MAP4K3: variants seen among roughly 807,000 people sequenced by gnomAD.
MAP4K3 encodes the protein MAPK/ERK kinase kinase kinase 3.
In MAP4K3, 94 loss-of-function variants were observed where a neutral mutation model predicts 143.5. That is an observed-to-expected ratio of 0.65 (90% confidence interval 0.55 to 0.78). The LOEUF is 0.78. Ranked by LOEUF, MAP4K3 falls within the 30% of genes least tolerant of loss-of-function variation. MAP4K3 has a pLI of 0.00. For missense variants in MAP4K3, 1,077 were observed against 1,068.1 expected (o/e 1.01, Z -0.12); for synonymous variants, 416 against 347.2 (o/e 1.20, Z -2.20).
intron 2 of MAP4K3, among the ~76,000 whole-genome samples, chr2:39,364,344 G>GT (rs910197420): frequency 1.3e-4 from 20 of 152,338 alleles, no homozygotes; most frequent in Admixed American, 5.9e-4. Flanking sequence ...AATGGTTATA[G>GT]TTAACAATAC....
intron 13 of MAP4K3, among the ~76,000 whole-genome samples, chr2:39,311,383 C>A (rs1682931372): frequency 6.6e-6 from 1 of 152,100 alleles, no homozygotes; most frequent in Non-Finnish European, 1.5e-5. Flanking sequence ...CTGGCTGAGA[C>A]CATCTTAATT....
chr2:39,378,500 C>T (rs1162980845), intron 1 of MAP4K3, among the ~76,000 whole-genome samples: 1 of 152,172 alleles, frequency 6.6e-6, no homozygotes, highest in East Asian at 1.9e-4. Flanking sequence ...CAAGGTCATA[C>T]AGCCAGTGAG....
rs555812991 is a variant in MAP4K3, at chr2:39,315,277, T to C, written c.997+33A>G. 4 of 1,365,906 alleles carry C rather than the reference T, an allele frequency of 2.9e-6. No individual in the cohort carries two copies. The South Asian group carries it at 3.9e-5, about 13-fold the overall frequency. 84.6% of individuals were successfully genotyped at this position (1,365,906 alleles called of 1,614,324 possible). The stretch of plus-strand genomic sequence containing the variant: ...CTAAATTATAACTTATTTTCTATCA[T>C]TAAATCATAAACTGTGTATAGTATA... On this transcript the variant is annotated intron_variant, in intron 13 of 33. Transcript: ENST00000263881.
At position 39,436,766 on chromosome 2, in the gene MAP4K3, C is replaced by G. The variant is rs577274237; in HGVS notation, c.96+126G>C. The G allele has an allele frequency of 1.1e-4, 87 of 764,534 alleles. 3 individuals are homozygous for G. In the South Asian group the frequency reaches 1.1e-3, roughly 10 times the overall value. The allele number at this position is 764,534 out of a possible 1,614,324, so 47.4% of individuals were successfully genotyped here. On this transcript the variant is annotated intron_variant, in intron 1 of 33. Transcript: ENST00000263881. ...GCAGCAGAGCCCTTGGCGTCCGCAGCTCCTCCTCCCCGACTGCTCCCTGGC... is the reference window on the plus strand; with the variant it reads ...GCAGCAGAGCCCTTGGCGTCCGCAGGTCCTCCTCCCCGACTGCTCCCTGGC...
chr2:39,392,202 A>AAAAAT, intron 1 of MAP4K3, among the ~76,000 whole-genome samples: 1 of 151,504 alleles, frequency 6.6e-6, no homozygotes, highest in East Asian at 1.9e-4. Context: ...AAAAAAAAAA[A>AAAAAT]AAATTACAGT....
At chr2:39,329,288 C>G (rs959284212) in intron 8 of MAP4K3, among the ~76,000 whole-genome samples, 3 of 152,118 alleles carry the variant, frequency 2.0e-5, no homozygotes, top group African/African-American at 7.2e-5. Context: ...AATTCAAGCC[C>G]TCACTCTGCT....
chr2:39,352,289 T>C (rs1293352663), intron 3 of MAP4K3, among the ~76,000 whole-genome samples: 1 of 152,092 alleles, frequency 6.6e-6, no homozygotes, highest in African/African-American at 2.4e-5. Flanking sequence ...AGACTCTGTA[T>C]CAAAAAAAAT....
intron 1 of MAP4K3, among the ~76,000 whole-genome samples, chr2:39,390,408 G>C (rs907302850): frequency 6.6e-6 from 1 of 150,850 alleles, no homozygotes; most frequent in Non-Finnish European, 1.5e-5. Flanking sequence ...ACAGAGTCTT[G>C]GCTTCCACAC....
intron 20 of MAP4K3, among the ~76,000 whole-genome samples, chr2:39,287,327 C>T (rs370052033): frequency 6.8e-6 from 1 of 148,028 alleles, no homozygotes; most frequent in East Asian, 2.0e-4. Flanking sequence ...GAGTTTTGCT[C>T]TTATCACCCA....
intron 1 of MAP4K3, among the ~76,000 whole-genome samples, chr2:39,424,812 CAG>C (rs1006792489): frequency 6.1e-5 from 7 of 114,318 alleles, no homozygotes; most frequent in African/African-American, 2.6e-4. Context: ...GCCTGGGTGA[CAG>C]AGTTATAACC....
At chr2:39,257,759 A>C (rs950929892) in intron 31 of MAP4K3, among the ~76,000 whole-genome samples, 3 of 144,930 alleles carry the variant, frequency 2.1e-5, no homozygotes, top group Non-Finnish European at 3.0e-5. Context: ...AGACTGCACC[A>C]TTGCACTCCA....
chr2:39,269,470 CTTT>C (rs59479315), intron 26 of MAP4K3, among the ~76,000 whole-genome samples: 5 of 89,676 alleles, frequency 5.6e-5, no homozygotes, highest in Non-Finnish European at 6.0e-5. Flanking sequence ...TTGCTCAGGT[CTTT>C]TTTTTTTTTT....
intron 1 of MAP4K3, among the ~76,000 whole-genome samples, chr2:39,401,470 C>T (rs924794266): frequency 6.6e-6 from 1 of 152,164 alleles, no homozygotes; most frequent in African/African-American, 2.4e-5. Context: ...CTGTAGGCTA[C>T]CAGCTGCTCT....
chr2:39,394,140 A>G (rs1431614748), intron 1 of MAP4K3, among the ~76,000 whole-genome samples: 2 of 152,194 alleles, frequency 1.3e-5, no homozygotes, highest in African/African-American at 2.4e-5. Flanking sequence ...TCTTGCTAAA[A>G]ATCTGCCTAC....
chr2:39,253,489 G>A (rs1334183252), intron 32 of MAP4K3, among the ~76,000 whole-genome samples: 7 of 152,040 alleles, frequency 4.6e-5, no homozygotes, highest in Admixed American at 3.3e-4. Context: ...CACATTACAC[G>A]CTTTGTTTCA....
At chr2:39,298,063 G>C (rs1169665082) in intron 16 of MAP4K3, among the ~76,000 whole-genome samples, 4 of 151,216 alleles carry the variant, frequency 2.6e-5, no homozygotes, top group Non-Finnish European at 4.4e-5. Context: ...AATCAAAAAA[G>C]GTAAAAAATA....
intron 13 of MAP4K3, among the ~76,000 whole-genome samples, chr2:39,311,349 G>T (rs1682930757): frequency 6.6e-6 from 1 of 152,174 alleles, no homozygotes; most frequent in Non-Finnish European, 1.5e-5. Context: ...AAAGTGCTGG[G>T]ATTACAGGCG....
intron 2 of MAP4K3, among the ~76,000 whole-genome samples, chr2:39,376,989 ATATG>A (rs1371359632): frequency 6.6e-6 from 1 of 152,152 alleles, no homozygotes; most frequent in African/African-American, 2.4e-5. Flanking sequence ...AAATCTGTAA[ATATG>A]TATAACTGGA....
chr2:39,270,648 A>G (rs1680978212), intron 26 of MAP4K3, among the ~76,000 whole-genome samples: 1 of 152,068 alleles, frequency 6.6e-6, no homozygotes, highest in South Asian at 2.1e-4. Flanking sequence ...AGTAAATGAT[A>G]CAACTGTACT....
Sources: gnomAD v4.1 joint callset for allele counts (sites outside exome capture counted in the v4.1 genomes callset) on GRCh38, gnomAD v4.1.1 for gene constraint, MANE v1.5 for transcripts, NCBI Gene and HGNC (gene_info 2026-07-23, HGNC 2026-07-21) for gene names.